SLMAP: variants seen among roughly 807,000 people sequenced by gnomAD.
The protein encoded by SLMAP is sarcolemmal membrane-associated protein.
In SLMAP, 44 loss-of-function variants were observed where a neutral mutation model predicts 128.8. The ratio of observed to expected loss-of-function variants is 0.34; its 90% confidence interval spans 0.27 to 0.44. The LOEUF is 0.44. Ranked by LOEUF, SLMAP falls within the 20% of genes least tolerant of loss-of-function variation. SLMAP has a pLI of 1.00. For missense variants in SLMAP, 787 were observed against 985.3 expected (o/e 0.80, Z 2.69); for synonymous variants, 327 against 348.8 (o/e 0.94, Z 0.70).
In SLMAP at chr3:57,757,720, C is replaced by T; in HGVS notation, c.69C>T (p.Tyr23=). The T allele has an allele frequency of 1.2e-6, 2 of 1,614,148 alleles. No homozygotes were observed. Among genetic ancestry groups the T allele is most frequent in the South Asian group, 1.1e-5 (1 of 91,082 alleles). Residue 23 remains tyrosine, a synonymous_variant, in exon 2 of 25, where the codon TAC becomes TAT. Coordinates refer to ENST00000671191, the MANE Select transcript of SLMAP (RefSeq NM_001377540.1). ...NSHPFQERHV[Y]LDEPIKIGRS... is the part of the protein sequence containing the mutation. ...ACCCGTTTCAGGAGCGTCATGTCTACCTGGACGAGCCCATCAAAATCGGCC... is the reference window on the plus strand; with the variant it reads ...ACCCGTTTCAGGAGCGTCATGTCTATCTGGACGAGCCCATCAAAATCGGCC...
chr3:57,868,859 TTATA>T (rs201706823), intron 13 of SLMAP, among the ~76,000 whole-genome samples: 1 of 138,576 alleles, frequency 7.2e-6, no homozygotes, highest in Non-Finnish European at 1.5e-5. Flanking sequence ...AAAATATATA[TTATA>T]TATGTGTGTA....
At chr3:57,765,476 T>C (rs2079495570) in intron 2 of SLMAP, among the ~76,000 whole-genome samples, 1 of 152,188 alleles carries the variant, frequency 6.6e-6, no homozygotes, top group Non-Finnish European at 1.5e-5. Flanking sequence ...GCAGGGATGA[T>C]ACGGCATGTT....
chr3:57,908,190 C>T (rs1189724098), intron 18 of SLMAP, among the ~76,000 whole-genome samples, 184 bp downstream of exon 18: 1 of 152,204 alleles, frequency 6.6e-6, no homozygotes, highest in African/African-American at 2.4e-5. Context: ...AGGAGAGTTA[C>T]AGTTGCTCTA....
chr3:57,818,446 C>T (rs539426269), intron 2 of SLMAP, among the ~76,000 whole-genome samples: 3 of 152,166 alleles, frequency 2.0e-5, no homozygotes, highest in Admixed American at 1.3e-4. Context: ...TGAGCCACTG[C>T]GCCTGGCCAT....
chr3:57,792,594 A>G (rs1016121374), intron 2 of SLMAP, among the ~76,000 whole-genome samples: 1 of 152,020 alleles, frequency 6.6e-6, no homozygotes, highest in African/African-American at 2.4e-5. Flanking sequence ...TTTATATTCT[A>G]TATTGTGTGT....
At chr3:57,848,685 T>TC (rs1410362140) in intron 5 of SLMAP, among the ~76,000 whole-genome samples, 2 of 148,912 alleles carry the variant, frequency 1.3e-5, no homozygotes. Flanking sequence ...CTTCCTTCCT[T>TC]CTTCTTTCTT....
At chr3:57,840,905 A>G (rs1265804096) in intron 3 of SLMAP, among the ~76,000 whole-genome samples, 1 of 152,120 alleles carries the variant, frequency 6.6e-6, no homozygotes. Context: ...TAGGTGTGTA[A>G]TAGGTTGGGG....
intron 14 of SLMAP, among the ~76,000 whole-genome samples, chr3:57,879,667 G>A (rs1355484529): frequency 6.6e-6 from 1 of 152,146 alleles, no homozygotes; most frequent in Non-Finnish European, 1.5e-5. Flanking sequence ...GATAGGCCAG[G>A]CGCAGTGGCT....
At chr3:57,776,522 C>CTCTCTTTTT (rs571722815) in intron 2 of SLMAP, among the ~76,000 whole-genome samples, 5 of 92,600 alleles carry the variant, frequency 5.4e-5, no homozygotes, top group South Asian at 3.4e-4. Context: ...CTCTCTCTCT[C>CTCTCTTTTT]TTTTTTTTTT....
intron 2 of SLMAP, among the ~76,000 whole-genome samples, chr3:57,827,907 A>T (rs1460095726): frequency 6.6e-6 from 1 of 152,192 alleles, no homozygotes; most frequent in Non-Finnish European, 1.5e-5. Flanking sequence ...GTACCCAGGG[A>T]CTATAAGCAT....
In SLMAP at chr3:57,821,908, C is replaced by T. The variant is rs1189669216; in HGVS notation, c.199-9475C>T. On this transcript the variant is annotated intron_variant, in intron 2 of 24. Coordinates refer to ENST00000671191, the MANE Select transcript of SLMAP (RefSeq NM_001377540.1). ...AGCTATATATAAATTTGCTGCAATA[C>T]CTGTTCCTCCTCCTCCTCCTCCTCC... Among the ~76,000 whole-genome samples, 7 of 140,926 alleles carry T rather than the reference C, an allele frequency of 5.0e-5. No individual in the cohort carries two copies. The East Asian group carries it at 1.6e-3, about 32-fold the overall frequency. 92.5% of individuals were successfully genotyped at this position (140,926 alleles called of 152,430 possible).
At chr3:57,903,992 C>T (rs1224852479) in intron 17 of SLMAP, among the ~76,000 whole-genome samples, 1 of 152,148 alleles carries the variant, frequency 6.6e-6, no homozygotes, top group Non-Finnish European at 1.5e-5. Flanking sequence ...TCCCACACAA[C>T]CATATAAAAT....
chr3:57,871,715 T>C lies in SLMAP; in HGVS notation c.1300+17T>C, dbSNP rs1232016367. The C allele has an allele frequency of 6.3e-7, 1 of 1,585,520 alleles. No homozygotes were observed. The highest frequency in any genetic ancestry group is 1.7e-5 in the Admixed American group (1 of 59,604). On this transcript the variant is annotated intron_variant, in intron 14 of 24. Coordinates refer to ENST00000671191, the MANE Select transcript of SLMAP (RefSeq NM_001377540.1). ...AATGCCAGAGTGAGTACAGAGTATT[T>C]TTCACATTGATTTTAATGAAGTCAG... is the stretch of plus-strand genomic sequence containing the variant.
intron 17 of SLMAP, chr3:57,898,001 C>G (rs1467142230): frequency 6.6e-6 from 1 of 152,104 alleles, no homozygotes; most frequent in Non-Finnish European, 1.5e-5. Context: ...TAGTGGTGTA[C>G]TAACACCAGA....
At chr3:57,861,301 A>G (rs190267940) in intron 9 of SLMAP, among the ~76,000 whole-genome samples, 344 of 152,290 alleles carry the variant, frequency 2.3e-3, no homozygotes, top group Non-Finnish European at 3.6e-3. Context: ...GGTCCTTTCT[A>G]GGTCTTGGAG....
At chr3:57,780,837 C>G (rs2082887580) in intron 2 of SLMAP, among the ~76,000 whole-genome samples, 1 of 151,622 alleles carries the variant, frequency 6.6e-6, no homozygotes, top group Admixed American at 6.6e-5. Flanking sequence ...GAGATAGGGT[C>G]TCGCTGTGTT....
chr3:57,858,227 A>C (rs772720732), intron 8 of SLMAP, 68 bp downstream of exon 8: 3 of 918,254 alleles, frequency 3.3e-6, no homozygotes, highest in Non-Finnish European at 5.4e-6. Context: ...TTCTTTGACT[A>C]TCATTTTGAG....
intron 12 of SLMAP, 21 bp downstream of exon 12, chr3:57,864,878 T>G: frequency 6.5e-7 from 1 of 1,539,002 alleles, no homozygotes; most frequent in Non-Finnish European, 8.8e-7. Flanking sequence ...TCCATATTTC[T>G]TACTTAAACC....
intron 2 of SLMAP, among the ~76,000 whole-genome samples, chr3:57,815,543 C>T (rs1048026306): frequency 1.3e-5 from 2 of 151,744 alleles, no homozygotes; most frequent in Non-Finnish European, 1.5e-5. Flanking sequence ...TTATTATAAC[C>T]GTATCATTCT....
Sources: gnomAD v4.1 joint callset for allele counts (sites outside exome capture counted in the v4.1 genomes callset) on GRCh38, gnomAD v4.1.1 for gene constraint, MANE v1.5 for transcripts, NCBI Gene and HGNC (gene_info 2026-07-23, HGNC 2026-07-21) for gene names.